RORC: variants seen among roughly 807,000 people sequenced by gnomAD.
RORC encodes RAR related orphan receptor C.
RORC carries 13 observed loss-of-function variants against 64.5 expected under a neutral mutation model. The ratio of observed to expected loss-of-function variants is 0.20; its 90% CI spans 0.13 to 0.32. The LOEUF is 0.32. RORC is among the 10% of genes least tolerant of loss of function. The pLI is 1.00. For synonymous variants in RORC, 277 were observed against 259.3 expected (o/e 1.07, Z -0.65); for missense variants, 468 against 669.5 (o/e 0.70, Z 3.32).
At chr1:151,814,756 A>C in intron 5 of RORC, 61 bp from the exon 6 acceptor site, 1 of 1,574,434 alleles carries the variant, frequency 6.4e-7, no homozygotes, top group Non-Finnish European at 8.7e-7. Context: ...TACCCATGCA[A>C]GGGCACTTCT....
intron 2 of RORC, among the ~76,000 whole-genome samples, chr1:151,828,893 C>T (rs1455427921): frequency 3.3e-5 from 5 of 151,522 alleles, no homozygotes; most frequent in African/African-American, 7.3e-5. Flanking sequence ...GCAGGAGAAT[C>T]GCTTGAACCT....
At chr1:151,826,240 G>C (rs986000140) in intron 2 of RORC, 1 of 438,706 alleles carries the variant, frequency 2.3e-6, no homozygotes. Flanking sequence ...GCAGCCAATC[G>C]TAGGGGGCGT....
chr1:151,819,775 C>T (rs375460674), intron 2 of RORC, among the ~76,000 whole-genome samples: 1 of 152,160 alleles, frequency 6.6e-6, no homozygotes, highest in South Asian at 2.1e-4. Flanking sequence ...AGACCTTGAC[C>T]TTCTCATAGG....
At chr1:151,810,122 A>C (rs952844203) in intron 10 of RORC, among the ~76,000 whole-genome samples, 1 of 152,142 alleles carries the variant, frequency 6.6e-6, no homozygotes, top group Non-Finnish European at 1.5e-5. Context: ...CTTGGTCTTC[A>C]TTGTACCCTA....
chr1:151,816,564 A>G lies in RORC; in HGVS notation c.298+100T>C. The G allele has an allele frequency of 2.4e-6, 3 of 1,246,592 alleles. No homozygotes were observed. In the South Asian group the frequency reaches 4.7e-5, roughly 19 times the overall value. 77.2% of individuals were successfully genotyped at this position (1,246,592 alleles called of 1,614,324 possible). ...GGAGGAATGGAGAGGAGACCAGAGG[A>G]TGGGCCGTCTTGCAGGTTAAGCCTT... On this transcript the variant is annotated intron_variant, in intron 4 of 10. Coordinates refer to ENST00000318247, the MANE Select transcript of RORC (RefSeq NM_005060.4).
chr1:151,829,457 C>G lies in RORC; in HGVS notation c.42G>C (p.Glu14Asp). Residue 14 changes from glutamate (E) to aspartate (D), a missense_variant and splice_region_variant, in exon 2 of 11, where the codon GAG becomes GAC. By Grantham distance (45) the Glu-to-Asp change is conservative. Transcript: ENST00000318247. ...TGTGGGTCTTCTTTGCAGCCAGCAGCTCTGTAAAGACAAGAGAGGGGGTTG... is the reference window on the plus strand; with the variant it reads ...TGTGGGTCTTCTTTGCAGCCAGCAGGTCTGTAAAGACAAGAGAGGGGGTTG... ...APQRQHRASR[E>D]LLAAKKTHTS... 6.5e-7 allele frequency: 1 copy of G among 1,532,640 alleles called. No individual in the cohort carries two copies. The highest frequency in any genetic ancestry group is 1.4e-5 in the African/African-American group (1 of 69,480). The allele number at this position is 1,532,640 out of a possible 1,614,324, so 94.9% of individuals were successfully genotyped here. A position where few individuals can be genotyped will look rare whatever the true frequency, so the allele number is the denominator to read the frequency against.
chr1:151,807,663 T>A lies in RORC; in HGVS notation c.1396-30A>T. On this transcript the variant is annotated intron_variant, in intron 10 of 10. Coordinates refer to ENST00000318247, the MANE Select transcript of RORC (RefSeq NM_005060.4). The surrounding 1 kb of genome is among the most constrained non-coding windows in gnomAD (Gnocchi z 5.0). ...ATATGGGTTAATGGGGAAGGGAGGG[T>A]CAATACTTCAGCTCTCCTCAGAGCA... The A allele has an allele frequency of 6.2e-7, 1 of 1,611,108 alleles. No individual in the cohort carries two copies. Among genetic ancestry groups the A allele is most frequent in the Non-Finnish European group, 8.5e-7 (1 of 1,178,142 alleles).
In RORC at chr1:151,815,193, C is replaced by T. The variant is rs746767633; in HGVS notation, c.531G>A (p.Leu177=). ...PEASACPPGL[L]KASGSGPSYS... is the part of the protein sequence containing the mutation. Reference sequence around the variant, plus strand: ...ATGAGGGCCCAGAGCCTGAGGCTTTCAGGAGGCCAGGGGGACAGGCAGAAG... The same window carrying T: ...ATGAGGGCCCAGAGCCTGAGGCTTTTAGGAGGCCAGGGGGACAGGCAGAAG... The change falls in exon 5 of 11, where the codon CTG becomes CTA. Residue 177 remains leucine (L), a synonymous_variant. Transcript: ENST00000318247. 6.2e-7 allele frequency: 1 copy of T among 1,614,028 alleles called. No homozygotes were observed.
chr1:151,810,832 T>C (rs1051171460), intron 10 of RORC, among the ~76,000 whole-genome samples: 1 of 152,222 alleles, frequency 6.6e-6, no homozygotes, highest in Non-Finnish European at 1.5e-5. Context: ...TGTGCCCGGC[T>C]GCTACACAGG....
At chr1:151,809,571 A>G (rs1299686305) in intron 10 of RORC, among the ~76,000 whole-genome samples, 5 of 152,124 alleles carry the variant, frequency 3.3e-5, no homozygotes, top group African/African-American at 9.7e-5. Context: ...TTAAAGTCCA[A>G]GTGAAAGCTG....
Position 151,814,575 on chromosome 1 carries a change from T to A in RORC, c.932A>T (p.Lys311Met). The change falls in exon 6 of 11, where the codon AAG (lysine) becomes ATG (methionine). Residue 311 changes from lysine (K) to methionine (M), a missense_variant and splice_region_variant. Transcript: ENST00000318247. The stretch of plus-strand genomic sequence containing the variant: ...TTCCTGCAGGTCTCCTGGCCTCACC[T>A]TCCTCTGGTAGCCAGTCACTTCCTC... ...SREEVTGYQR[K>M]SMWEMWERCA... The A allele has an allele frequency of 6.2e-7, 1 of 1,611,186 alleles. No individual in the cohort carries two copies. The highest frequency in any genetic ancestry group is 8.5e-7 in the Non-Finnish European group (1 of 1,178,290).
At chr1:151,817,971 G>A (rs993320321) in intron 2 of RORC, among the ~76,000 whole-genome samples, 11 of 152,248 alleles carry the variant, frequency 7.2e-5, no homozygotes, top group Non-Finnish European at 1.0e-4. Context: ...GTGTACATCC[G>A]TGTGTCTGAG....
In RORC at chr1:151,807,724, C is replaced by T. The variant is rs1402105879; in HGVS notation, c.1396-91G>A. The T allele has an allele frequency of 4.4e-6, 6 of 1,371,310 alleles. No homozygotes were observed. Among genetic ancestry groups the T allele is most frequent in the Non-Finnish European group, 6.0e-6 (6 of 995,724 alleles). The allele number at this position is 1,371,310 out of a possible 1,614,324, so 84.9% of individuals were successfully genotyped here. A position where few individuals can be genotyped will look rare whatever the true frequency, so the allele number is the denominator to read the frequency against. ...CTCATTCTTCCTGGGCTAGGACAAA[C>T]CCTCCTTGCCTTCCCCTTATGTACT... On this transcript the variant is annotated intron_variant, in intron 10 of 10. Coordinates refer to ENST00000318247, the MANE Select transcript of RORC (RefSeq NM_005060.4). The surrounding 1 kb of genome is among the most constrained non-coding windows in gnomAD (Gnocchi z 5.0).
chr1:151,828,775 C>T lies in RORC; in HGVS notation c.70+654G>A, dbSNP rs1311437908. Among the ~76,000 whole-genome samples the T allele has an allele frequency of 2.6e-5, 4 of 152,066 alleles. No individual in the cohort carries two copies. In the South Asian group the frequency reaches 6.2e-4, roughly 24 times the overall value. On this transcript the variant is annotated intron_variant, in intron 2 of 10. Coordinates refer to ENST00000318247, the MANE Select transcript of RORC (RefSeq NM_005060.4). ...AGGGGTGGATCACAAGGTCAAGAGT[C>T]TGAGACCAGCCTGACCAACATGGTG... is the stretch of plus-strand genomic sequence containing the variant.
Position 151,813,584 on chromosome 1 carries a change from G to A in RORC, c.970C>T (p.Leu324Phe), listed in dbSNP as rs1417993880. Residue 324 changes from leucine to phenylalanine, a missense_variant, in exon 7 of 11, where the codon CTC (leucine) becomes TTC (phenylalanine). Coordinates refer to ENST00000318247, the MANE Select transcript of RORC (RefSeq NM_005060.4). ...ACCACGTACTGAATGGCCTCGGTGA[G>A]GTGGTGGGCACACCGTTCCCACATC... ...WEMWERCAHH[L>F]TEAIQYVVEF... The A allele has an allele frequency of 6.2e-7, 1 of 1,614,086 alleles. No homozygotes were observed. The highest frequency in any genetic ancestry group is 8.5e-7 in the Non-Finnish European group (1 of 1,180,028).
At chr1:151,814,447 T>C (rs913613020) in intron 6 of RORC, 127 bp downstream of exon 6, 1 of 973,754 alleles carries the variant, frequency 1.0e-6, no homozygotes. Flanking sequence ...GTGCACATGC[T>C]TGTTGGCCAG....
intron 10 of RORC, among the ~76,000 whole-genome samples, chr1:151,808,139 T>C (rs1044133658): frequency 1.3e-5 from 2 of 152,196 alleles, no homozygotes; most frequent in Non-Finnish European, 2.9e-5. Context: ...ATGGTCCAAT[T>C]TGTCTGCCTT....
chr1:151,826,077 TC>T, intron 2 of RORC: 1 of 1,494,102 alleles, frequency 6.7e-7, no homozygotes, highest in Non-Finnish European at 8.9e-7. Flanking sequence ...CCTAGCTCTC[TC>T]CCCCAGTGCT....
At chr1:151,819,158 A>T (rs1042544893) in intron 2 of RORC, among the ~76,000 whole-genome samples, 1 of 152,150 alleles carries the variant, frequency 6.6e-6, no homozygotes, top group African/African-American at 2.4e-5. Flanking sequence ...ATTTTAATAC[A>T]TGGAGGGGAA....
Sources: gnomAD v4.1 joint callset for allele counts (sites outside exome capture counted in the v4.1 genomes callset) on GRCh38, gnomAD v4.1.1 for gene constraint, Gnocchi (gnomAD v3.1) non-coding constraint, MANE v1.5 for transcripts, NCBI Gene and HGNC (gene_info 2026-07-23, HGNC 2026-07-21) for gene names.